The following ATP13A3 variants were observed in gnomAD, a reference collection of about 807,000 sequenced individuals.
The protein encoded by ATP13A3 is polyamine-transporting ATPase 13A3.
In ATP13A3, 59 loss-of-function variants were observed where a neutral mutation model predicts 158.1. The ratio of observed to expected loss-of-function variants is 0.37; its 90% CI spans 0.30 to 0.46. The LOEUF (loss-of-function observed/expected upper bound fraction) is 0.46, where lower values mean the gene tolerates loss of function less well. Among genes scored for constraint, ATP13A3 ranks in the 20% least tolerant of loss-of-function variants. The pLI, the probability that ATP13A3 is intolerant of heterozygous loss-of-function variation, is 1.00. For synonymous variants in ATP13A3, 491 were observed against 504.3 expected, an observed-to-expected ratio of 0.97 and a Z score of 0.35; for missense variants, 1,166 against 1,525.2, an observed-to-expected ratio of 0.76 and a Z score of 3.92.
intron 31 of ATP13A3, among the ~76,000 whole-genome samples, chr3:194,415,339 G>A (rs1224541783): frequency 6.6e-6 from 1 of 152,174 alleles, no homozygotes; most frequent in Non-Finnish European, 1.5e-5. Context: ...CGTGTGGGAG[G>A]TGAGCTGAAT....
At chr3:194,453,846 G>C in intron 9 of ATP13A3, 68 bp from the exon 10 acceptor site, 1 of 1,213,062 alleles carries the variant, frequency 8.2e-7, no homozygotes, top group Non-Finnish European at 1.2e-6. Flanking sequence ...AAGCCAGAGT[G>C]CTAAAAAAAT....
In ATP13A3 at chr3:194,450,232, T is replaced by C. The variant is rs1372760641; in HGVS notation, c.883A>G (p.Met295Val). Reference protein sequence around the residue: ...FSTDLVPGDVMVIPLNGTIMP... With the variant: ...FSTDLVPGDVVVIPLNGTIMP... ...ATTGTCCCATTTAATGGAATGACCA[T>C]GACATCTCCTGGCACAAGGTCGGTA... The change falls in exon 11 of 34, where the codon ATG (methionine) becomes GTG (valine). Residue 295 changes from methionine to valine, a missense_variant. By Grantham distance (21) the Met-to-Val change is conservative. This residue lies in a region of ATP13A3 where 997 missense variants were observed against 1,341.2 expected (regional missense o/e 0.74). Coordinates refer to ENST00000645319, the MANE Select transcript of ATP13A3 (RefSeq NM_001367549.1). The C allele has an allele frequency of 1.2e-6, 2 of 1,613,426 alleles. No homozygotes were observed. The highest frequency in any genetic ancestry group is 1.7e-6 in the Non-Finnish European group (2 of 1,179,400).
At chr3:194,484,221 T>A (rs1471893427) in intron 2 of ATP13A3, among the ~76,000 whole-genome samples, 3 of 152,204 alleles carry the variant, frequency 2.0e-5, no homozygotes, top group Non-Finnish European at 2.9e-5. Context: ...TCGCTTATAC[T>A]GTAAGCTCCT....
chr3:194,413,733 A>G, intron 32 of ATP13A3, 26 bp downstream of exon 32: 1 of 1,571,742 alleles, frequency 6.4e-7, no homozygotes, highest in East Asian at 2.2e-5. Flanking sequence ...GCAACATGGT[A>G]GCCATTTGAC....
chr3:194,464,256 C>A (rs1459038464), intron 2 of ATP13A3, among the ~76,000 whole-genome samples: 4 of 152,178 alleles, frequency 2.6e-5, no homozygotes, highest in African/African-American at 9.7e-5. Context: ...AATACATAAA[C>A]ATTGGTGCAA....
chr3:194,467,041 T>C (rs1473859607), intron 2 of ATP13A3, among the ~76,000 whole-genome samples: 1 of 152,218 alleles, frequency 6.6e-6, no homozygotes. Flanking sequence ...TTTTTGAATC[T>C]TACTCTTCTT....
At position 194,438,887 on chromosome 3, in the gene ATP13A3, G is replaced by T; in HGVS notation, c.1796C>A (p.Pro599His). Residue 599 changes from proline (P) to histidine (H), a missense_variant, in exon 17 of 34, where the codon CCT (proline) becomes CAT (histidine). By Grantham distance (77) the Pro-to-His change is moderately conservative. Transcript: ENST00000645319. Reference protein sequence around the residue: ...TVVRPPKQLLPESTPAGNQEM... With the variant: ...TVVRPPKQLLHESTPAGNQEM... ...TTGGTTTCCTGCAGGGGTAGATTCAGGAAGCAGTTGTTTGGGAGGACGAAC... is the reference window on the plus strand; with the variant it reads ...TTGGTTTCCTGCAGGGGTAGATTCATGAAGCAGTTGTTTGGGAGGACGAAC... 6.2e-7 allele frequency: 1 copy of T among 1,607,526 alleles called. No individual in the cohort carries two copies. The highest frequency in any genetic ancestry group is 8.5e-7 in the Non-Finnish European group (1 of 1,175,526).
chr3:194,431,938 G>A (rs550535357), intron 21 of ATP13A3, 46 bp from the exon 22 acceptor site: 15 of 1,434,796 alleles, frequency 1.0e-5, no homozygotes, highest in South Asian at 4.3e-5. Context: ...AAATGGAAAC[G>A]TGAACGTATC....
intron 6 of ATP13A3, among the ~76,000 whole-genome samples, chr3:194,457,618 T>C (rs1719321843): frequency 6.6e-6 from 1 of 152,126 alleles, no homozygotes; most frequent in African/African-American, 2.4e-5. Flanking sequence ...AGAATTTCTA[T>C]TCATTTTCTT....
rs1027776330 is a variant in ATP13A3, at chr3:194,448,360, T to G, written c.1150+97A>C. ...CCCAAAGTGCTGGGATTACAGGCGT[T>G]AGCCACAGCACCCAGCCCAGAATCT... On this transcript the variant is annotated intron_variant, in intron 12 of 33. Coordinates refer to ENST00000645319, the MANE Select transcript of ATP13A3 (RefSeq NM_001367549.1). This position sits in a 1 kb window ranked among gnomAD's most constrained non-coding sequence, Gnocchi z 4.0. The G allele has an allele frequency of 1.4e-6, 2 of 1,424,392 alleles. No homozygotes were observed. Among genetic ancestry groups the G allele is most frequent in the Non-Finnish European group, 1.9e-6 (2 of 1,025,802 alleles). The allele number at this position is 1,424,392 out of a possible 1,614,324, so 88.2% of individuals were successfully genotyped here. A position where few individuals can be genotyped will look rare whatever the true frequency, so the allele number is the denominator to read the frequency against.
rs1166748470 is a variant in ATP13A3, at chr3:194,469,709, C to T, written c.-46-7473G>A. On this transcript the variant is annotated intron_variant, in intron 2 of 33. Transcript: ENST00000645319. ...AATGTTAAATAAATATTTGATAAACCCATCTTTAAAGACCACACAAGCCAA... is the reference window on the plus strand; with the variant it reads ...AATGTTAAATAAATATTTGATAAACTCATCTTTAAAGACCACACAAGCCAA... Among the ~76,000 whole-genome samples, 9 of 152,010 alleles carry T rather than the reference C, an allele frequency of 5.9e-5. No homozygotes were observed. The East Asian group carries it at 1.7e-3, about 29-fold the overall frequency.
At position 194,413,621 on chromosome 3, in the gene ATP13A3, G is replaced by A. The variant is rs1025018002; in HGVS notation, c.3483+138C>T. ...TTCATGGAAAAGTTCACAAGAGAAG[G>A]CTAAATGAATTTGCCTGAGATGAAA... is the stretch of plus-strand genomic sequence containing the variant. On this transcript the variant is annotated intron_variant, in intron 32 of 33. Coordinates refer to ENST00000645319, the MANE Select transcript of ATP13A3 (RefSeq NM_001367549.1). 5 of 779,646 alleles carry A rather than the reference G, an allele frequency of 6.4e-6. No individual in the cohort carries two copies. The African/African-American group carries it at 8.6e-5, about 13-fold the overall frequency. 48.3% of individuals were successfully genotyped at this position (779,646 alleles called of 1,614,324 possible). A position where few individuals can be genotyped will look rare whatever the true frequency, so the allele number is the denominator to read the frequency against.
At chr3:194,417,119 T>C (rs1419729980) in intron 31 of ATP13A3, among the ~76,000 whole-genome samples, 1 of 152,084 alleles carries the variant, frequency 6.6e-6, no homozygotes, top group Admixed American at 6.5e-5. Flanking sequence ...GAAAGGGCTT[T>C]TCCTGGTATT....
chr3:194,464,108 C>T (rs1719843703), intron 2 of ATP13A3, among the ~76,000 whole-genome samples: 1 of 152,232 alleles, frequency 6.6e-6, no homozygotes, highest in Admixed American at 6.5e-5. Context: ...TTGTAGTAAG[C>T]TGAGATCACC....
chr3:194,423,816 A>C (rs565143764), intron 30 of ATP13A3, among the ~76,000 whole-genome samples: 1 of 152,308 alleles, frequency 6.6e-6, no homozygotes, highest in Admixed American at 6.5e-5. Flanking sequence ...AGAAACAGGC[A>C]ACTAATATTC....
At chr3:194,432,778 G>A (rs137945886) in intron 21 of ATP13A3, among the ~76,000 whole-genome samples, 7 of 151,908 alleles carry the variant, frequency 4.6e-5, no homozygotes, top group South Asian at 2.1e-4. Context: ...TACTGAACAC[G>A]TAAGTGCCAT....
At position 194,430,288 on chromosome 3, in the gene ATP13A3, G is replaced by A. The variant is rs777822302; in HGVS notation, c.2652C>T (p.Gly884=). The change falls in exon 25 of 34, where the codon GGC becomes GGT. Residue 884 remains glycine (G), a synonymous_variant. Transcript: ENST00000645319. ...VDYFVGMCGD[G]ANDCGALKRA... ...CTATACTTACACCACAATCATTTGCGCCATCACCACACATCCCAACAAAAT... is the reference window on the plus strand; with the variant it reads ...CTATACTTACACCACAATCATTTGCACCATCACCACACATCCCAACAAAAT... 4.3e-6 allele frequency: 7 copies of A among 1,613,514 alleles called. No individual in the cohort carries two copies. The highest frequency in any genetic ancestry group is 1.6e-4 in the Middle Eastern group (1 of 6,080).
In ATP13A3 at chr3:194,431,064, T is replaced by C. The variant is rs770880964; in HGVS notation, c.2544+40A>G. On this transcript the variant is annotated intron_variant, in intron 23 of 33. Transcript: ENST00000645319. ...AAATTTTTTTAAAATACTGTTGCGATGCATTCATGTGAGCACACACATACA... is the reference window on the plus strand; with the variant it reads ...AAATTTTTTTAAAATACTGTTGCGACGCATTCATGTGAGCACACACATACA... 11 of 1,613,354 alleles carry C rather than the reference T, an allele frequency of 6.8e-6. No individual in the cohort carries two copies. In the African/African-American group the frequency reaches 1.1e-4, roughly 16 times the overall value.
chr3:194,407,727 C>T lies in ATP13A3; in HGVS notation c.3574-1611G>A, dbSNP rs189370964. Reference sequence around the variant, plus strand: ...GGACGGGGAAAGTCTGAAGATTACTCGCCTAGTAGCCTTTTTACTGTCATA... The same window carrying T: ...GGACGGGGAAAGTCTGAAGATTACTTGCCTAGTAGCCTTTTTACTGTCATA... On this transcript the variant is annotated intron_variant, in intron 33 of 33. Coordinates refer to ENST00000645319, the MANE Select transcript of ATP13A3 (RefSeq NM_001367549.1). 1.6e-4 allele frequency among the ~76,000 whole-genome samples: 25 copies of T among 152,206 alleles called. No homozygotes were observed. The East Asian group carries it at 4.1e-3, about 25-fold the overall frequency.
Sources: gnomAD v4.1 joint callset for allele counts (sites outside exome capture counted in the v4.1 genomes callset) on GRCh38, gnomAD v4.1.1 for gene constraint, gnomAD v4.1.1 regional missense constraint, Gnocchi (gnomAD v3.1) non-coding constraint, MANE v1.5 for transcripts, NCBI Gene and HGNC (gene_info 2026-07-23, HGNC 2026-07-21) for gene names.